The following PAK5 variants were observed in gnomAD, a reference collection of about 807,000 sequenced individuals.
PAK5 encodes p21 (RAC1) activated kinase 5, also known as serine/threonine-protein kinase PAK 5.
PAK5 carries 16 observed loss-of-function variants against 65.9 expected under a neutral mutation model. The observed-to-expected ratio is 0.24, with a 90% CI of 0.16 to 0.37. PAK5 has a LOEUF of 0.37. Ranked by LOEUF, PAK5 falls within the 10% of genes least tolerant of loss-of-function variation. PAK5 has a pLI of 1.00. For missense variants in PAK5, 785 were observed against 903.9 expected, an observed-to-expected ratio of 0.87 and a Z score of 1.69; for synonymous variants, 371 against 354.9, an observed-to-expected ratio of 1.05 and a Z score of -0.51.
At chr20:9,575,191 T>TTTTTG (rs143944343) in intron 4 of PAK5, among the ~76,000 whole-genome samples, 23,800 of 151,770 alleles carry the variant, frequency 0.16, 2,695 homozygotes, top group African/African-American at 0.32. Context: ...CTTCCCATCC[T>TTTTTG]TTTTGTTTTG....
chr20:9,829,941 C>T (rs1978573398), intron 1 of PAK5, among the ~76,000 whole-genome samples: 1 of 152,164 alleles, frequency 6.6e-6, no homozygotes, highest in Admixed American at 6.5e-5. Flanking sequence ...TGTGTGGAGA[C>T]TACAAAGTCC....
At chr20:9,660,789 G>A (rs902741175) in intron 2 of PAK5, among the ~76,000 whole-genome samples, 11 of 152,040 alleles carry the variant, frequency 7.2e-5, no homozygotes, top group African/African-American at 2.2e-4. Flanking sequence ...TGGGTTCAAG[G>A]AAAAGCAAGG....
At chr20:9,603,237 C>A (rs2046391580) in intron 3 of PAK5, among the ~76,000 whole-genome samples, 1 of 152,192 alleles carries the variant, frequency 6.6e-6, no homozygotes, top group African/African-American at 2.4e-5. Flanking sequence ...GTAATGCAAG[C>A]ACTTTTGGCC....
intron 7 of PAK5, among the ~76,000 whole-genome samples, chr20:9,552,370 T>C (rs966412377): frequency 3.3e-5 from 5 of 152,210 alleles, no homozygotes; most frequent in Admixed American, 1.3e-4. Flanking sequence ...ATGATGATTC[T>C]ACACAACACT....
At chr20:9,738,049 G>A (rs886502845) in intron 1 of PAK5, among the ~76,000 whole-genome samples, 9 of 152,268 alleles carry the variant, frequency 5.9e-5, no homozygotes, top group Non-Finnish European at 1.0e-4. Context: ...GCTGAGGCAG[G>A]AGAATTGCTT....
intron 1 of PAK5, among the ~76,000 whole-genome samples, chr20:9,765,057 C>T (rs2048742036): frequency 6.6e-6 from 1 of 152,116 alleles, no homozygotes; most frequent in African/African-American, 2.4e-5. Flanking sequence ...CCTCACCTGT[C>T]TCCTTTGCTC....
chr20:9,547,958 G>A (rs1004283399), intron 7 of PAK5, among the ~76,000 whole-genome samples: 5 of 152,278 alleles, frequency 3.3e-5, no homozygotes, highest in Admixed American at 3.3e-4. Context: ...GGATAAGGGG[G>A]CATTTGTTTG....
chr20:9,635,640 T>C (rs1466187175), intron 3 of PAK5, among the ~76,000 whole-genome samples: 2 of 152,188 alleles, frequency 1.3e-5, no homozygotes, highest in Non-Finnish European at 2.9e-5. Context: ...TGCCCTGATG[T>C]TCATCCAGAT....
chr20:9,687,886 G>GGTGTGTGTGTGT (rs111641971), intron 2 of PAK5, among the ~76,000 whole-genome samples: 249 of 148,732 alleles, frequency 1.7e-3, no homozygotes, highest in African/African-American at 4.4e-3. Flanking sequence ...AAGAGAGGGA[G>GGTGTGTGTGTGT]GTGTGTGTGT....
intron 6 of PAK5, among the ~76,000 whole-genome samples, chr20:9,562,030 T>G (rs57182274): frequency 0.013 from 1,908 of 152,288 alleles, 36 homozygotes; most frequent in African/African-American, 0.042. Context: ...TCCTAGCACA[T>G]ATTCTTTCCT....
At chr20:9,742,016 C>T (rs1173089406) in intron 1 of PAK5, among the ~76,000 whole-genome samples, 3 of 152,246 alleles carry the variant, frequency 2.0e-5, no homozygotes, top group African/African-American at 7.2e-5. Flanking sequence ...AGGTTGGACG[C>T]TAACGGTGGT....
chr20:9,590,625 A>G (rs1392249254), intron 3 of PAK5, among the ~76,000 whole-genome samples: 55 of 151,506 alleles, frequency 3.6e-4, no homozygotes, highest in African/African-American at 1.1e-3. Flanking sequence ...GTGCCAAAAA[A>G]AAAAAAAAAA....
intron 4 of PAK5, among the ~76,000 whole-genome samples, chr20:9,573,663 GA>G (rs1223605763): frequency 6.6e-6 from 1 of 151,942 alleles, no homozygotes; most frequent in African/African-American, 2.4e-5. Flanking sequence ...AGAAGAGAAG[GA>G]AAAAACAGTA....
chr20:9,733,430 TTCTC>T (rs1189764811), intron 1 of PAK5, among the ~76,000 whole-genome samples: 3 of 151,256 alleles, frequency 2.0e-5, no homozygotes, highest in African/African-American at 7.3e-5. Flanking sequence ...CTCTCTCTCT[TTCTC>T]TCTCTCTCTT....
rs1347630151 is a variant in PAK5, at chr20:9,733,450, CTCTT to C, written c.-161-22019_-161-22016del. Among the ~76,000 whole-genome samples the C allele has an allele frequency of 6.0e-5, 9 of 151,232 alleles. No individual in the cohort carries two copies. In the South Asian group the frequency reaches 1.7e-3, roughly 28 times the overall value. ...TCTCTTTCTCTCTCTCTCTTTTTCT[CTCTT>C]TCTATCTTTTGACAGAGTCTTGCTC... On this transcript the variant is annotated intron_variant, in intron 1 of 9. Coordinates refer to ENST00000353224, the MANE Select transcript of PAK5 (RefSeq NM_177990.4).
intron 4 of PAK5, among the ~76,000 whole-genome samples, chr20:9,572,412 T>C (rs991698120): frequency 6.6e-6 from 1 of 152,258 alleles, no homozygotes; most frequent in Non-Finnish European, 1.5e-5. Flanking sequence ...TGTCCATTCC[T>C]ACTGTTTTAC....
chr20:9,610,750 G>A (rs961077229), intron 3 of PAK5, among the ~76,000 whole-genome samples: 3 of 152,080 alleles, frequency 2.0e-5, no homozygotes, highest in African/African-American at 7.2e-5. Context: ...GTAATTTATT[G>A]CTGTCATTTG....
chr20:9,546,516 T>C (rs1415874199), intron 7 of PAK5, among the ~76,000 whole-genome samples: 2 of 152,118 alleles, frequency 1.3e-5, no homozygotes, highest in Non-Finnish European at 2.9e-5. Context: ...ATATGAGTGG[T>C]AGTGAAACCC....
At chr20:9,698,356 A>C (rs2123454492) in intron 2 of PAK5, among the ~76,000 whole-genome samples, 1 of 152,316 alleles carries the variant, frequency 6.6e-6, no homozygotes, top group East Asian at 1.9e-4. Flanking sequence ...TTGGCCAGCC[A>C]GAAAGAGAGG....
Sources: gnomAD v4.1 joint callset for allele counts (sites outside exome capture counted in the v4.1 genomes callset) on GRCh38, gnomAD v4.1.1 for gene constraint, MANE v1.5 for transcripts, NCBI Gene and HGNC (gene_info 2026-07-23, HGNC 2026-07-21) for gene names.